The following GSTM2 variants were observed in gnomAD, a reference collection of about 807,000 sequenced individuals.
The protein encoded by GSTM2 is glutathione S-transferase mu 2.
GSTM2 carries 33 observed loss-of-function variants against 33.3 expected under a neutral mutation model. The ratio of observed to expected loss-of-function variants is 0.99; its 90% CI spans 0.75 to 1.33. The LOEUF (loss-of-function observed/expected upper bound fraction) is 1.33. Among genes scored for constraint, GSTM2 ranks in the 40% most tolerant of loss-of-function variants. The probability of loss-of-function intolerance (pLI) is 0.00; values close to 1 mark genes in which losing one functional copy is unlikely to be tolerated. For synonymous variants in GSTM2, 93 were observed against 95.6 expected (o/e 0.97, Z 0.16); for missense variants, 213 against 265.8 (o/e 0.80, Z 1.38).
Position 109,668,122 on chromosome 1 carries a change from A to G in GSTM2, c.7A>G (p.Met3Val). The G allele has an allele frequency of 3.1e-6, 5 of 1,612,784 alleles. No individual in the cohort carries two copies. Among genetic ancestry groups the G allele is most frequent in the South Asian group, 1.1e-5 (1 of 91,056 alleles). The change falls in exon 1 of 8, where the codon ATG becomes GTG. Residue 3 changes from methionine to valine, a missense_variant. Transcript: ENST00000241337. ...ATCCACAGCAACCAGCACCATGCCC[A>G]TGACACTGGGGTACTGGAACATCCG... The part of the protein sequence containing the change: MP[M>V]TLGYWNIRGL...
chr1:109,672,877 T>G (rs1281856522), intron 7 of GSTM2, among the ~76,000 whole-genome samples: 1 of 151,070 alleles, frequency 6.6e-6, no homozygotes, highest in African/African-American at 2.4e-5. Context: ...TCTTTTTTTT[T>G]TTTTTTTTTT....
chr1:109,674,667 C>T, intron 7 of GSTM2, 80 bp from the exon 8 acceptor site: 3 of 1,597,332 alleles, frequency 1.9e-6, no homozygotes, highest in South Asian at 2.2e-5. Context: ...GGGCCCTGAC[C>T]TGCTGTGTCT....
intron 2 of GSTM2, 89 bp from the exon 3 acceptor site, chr1:109,668,836 G>A (rs1230616238): frequency 1.4e-6 from 2 of 1,457,384 alleles, no homozygotes; most frequent in Non-Finnish European, 1.9e-6. Context: ...CTGTCTCAGG[G>A]GTCTTGCCAC....
intron 5 of GSTM2, 123 bp downstream of exon 5, chr1:109,669,694 T>C (rs971844493): frequency 6.1e-6 from 4 of 659,422 alleles, no homozygotes; most frequent in African/African-American, 5.4e-5. Context: ...ACTCTAAGAA[T>C]GAAGCCGCGG....
At chr1:109,676,399 T>G (rs150434069), downstream of GSTM2, among the ~76,000 whole-genome samples, 8 of 152,316 alleles carry the variant, frequency 5.3e-5, no homozygotes, top group East Asian at 1.5e-3. Context: ...TCGCCTAGGC[T>G]GGAGTGTGGT....
At chr1:109,669,117 A>G in intron 3 of GSTM2, 128 bp downstream of exon 3, 2 of 1,278,542 alleles carry the variant, frequency 1.6e-6, no homozygotes, top group Non-Finnish European at 2.3e-6. Flanking sequence ...TTGGCTGTCT[A>G]CACAGCCCTT....
intron 3 of GSTM2, 49 bp from the exon 4 acceptor site, chr1:109,669,241 G>C (rs772473017): frequency 6.2e-7 from 1 of 1,604,156 alleles, no homozygotes; most frequent in Non-Finnish European, 8.5e-7. Flanking sequence ...AGGGGATGCT[G>C]GGGAGCCTGG....
chr1:109,668,740 A>T, intron 2 of GSTM2, 185 bp from the exon 3 acceptor site: 1 of 826,578 alleles, frequency 1.2e-6, no homozygotes, highest in Non-Finnish European at 2.0e-6. Context: ...TGGAAGCCTT[A>T]GCTGTGTGGG....
At chr1:109,675,513 G>A (rs1368279199), downstream of GSTM2, among the ~76,000 whole-genome samples, 4 of 149,600 alleles carry the variant, frequency 2.7e-5, 1 homozygote, top group African/African-American at 1.0e-4. Flanking sequence ...TTCTTGGCCT[G>A]GATCTCCCAT....
chr1:109,669,403 G>A, intron 4 of GSTM2, 32 bp downstream of exon 4: 3 of 1,613,912 alleles, frequency 1.9e-6, no homozygotes, highest in Non-Finnish European at 2.5e-6. Context: ...ATGCGGGGAG[G>A]GACCGTGGCC....
chr1:109,675,592 C>G (rs887679410), downstream of GSTM2, among the ~76,000 whole-genome samples: 28 of 152,054 alleles, frequency 1.8e-4, no homozygotes, highest in Admixed American at 8.5e-4. Flanking sequence ...AATAGGACCC[C>G]AAGGGGGTGG....
chr1:109,668,188 C>T, intron 1 of GSTM2, 37 bp downstream of exon 1: 2 of 1,366,598 alleles, frequency 1.5e-6, no homozygotes. Flanking sequence ...GACGGGGGTG[C>T]GTGGGGGCGG....
At position 109,671,387 on chromosome 1, in the gene GSTM2, T is replaced by C; in HGVS notation, c.456+5T>C. On this transcript the variant is annotated splice_donor_5th_base_variant and intron_variant, in intron 6 of 7. Coordinates refer to ENST00000241337, the MANE Select transcript of GSTM2 (RefSeq NM_000848.4). ...CCATGGTTTCTTGGGGACAAGGTAATGGGGGCGTGTGATGGGGACACCACA... is the reference window on the plus strand; with the variant it reads ...CCATGGTTTCTTGGGGACAAGGTAACGGGGGCGTGTGATGGGGACACCACA... The C allele has an allele frequency of 6.2e-7, 1 of 1,606,816 alleles. No homozygotes were observed.
downstream of GSTM2, among the ~76,000 whole-genome samples, chr1:109,678,421 G>GCCA (rs71589790): frequency 6.6e-6 from 1 of 152,116 alleles, no homozygotes; most frequent in Non-Finnish European, 1.5e-5. Flanking sequence ...ACAGGTGTGA[G>GCCA]CCACCACTCC....
At chr1:109,679,956 A>T (rs1027143200), downstream of GSTM2, among the ~76,000 whole-genome samples, 15 of 152,150 alleles carry the variant, frequency 9.9e-5, no homozygotes, top group African/African-American at 3.6e-4. Context: ...TGCATTTGAT[A>T]TCTCTGACTG....
chr1:109,669,876 G>T (rs1191426697), intron 5 of GSTM2: 5 of 319,390 alleles, frequency 1.6e-5, no homozygotes, highest in South Asian at 5.8e-5. Context: ...AAGGTGGCGC[G>T]TCTGGAGTTG....
intron 7 of GSTM2, 73 bp from the exon 8 acceptor site, chr1:109,674,674 G>A: frequency 6.2e-7 from 1 of 1,607,746 alleles, no homozygotes; most frequent in Non-Finnish European, 8.5e-7. Context: ...GACCTGCTGT[G>A]TCTGCAGTGG....
At chr1:109,678,685 A>G (rs1647773354), downstream of GSTM2, among the ~76,000 whole-genome samples, 1 of 150,954 alleles carries the variant, frequency 6.6e-6, no homozygotes, top group Non-Finnish European at 1.5e-5. Flanking sequence ...GCTTGAACTC[A>G]GGAGGCAGAG....
intron 7 of GSTM2, chr1:109,673,553 T>C (rs1202092881): frequency 1.1e-5 from 4 of 368,728 alleles, no homozygotes; most frequent in Non-Finnish European, 5.1e-6. Flanking sequence ...CTGAGTGGCC[T>C]TGGAGTTAGG....
Sources: allele counts gnomAD v4.1 joint callset (sites outside exome capture counted in the v4.1 genomes callset), GRCh38; gene constraint gnomAD v4.1.1; transcripts MANE v1.5; gene names NCBI Gene and HGNC (gene_info 2026-07-23, HGNC 2026-07-21).